Variants in CD34 observed in about 807,000 individuals in gnomAD.
CD34 encodes the protein CD34 molecule.
In CD34, 34 loss-of-function variants were observed where a neutral mutation model predicts 40.1. That is an observed-to-expected ratio of 0.85 (90% CI 0.65 to 1.13). CD34 has a LOEUF of 1.13. Among genes scored for constraint, CD34 ranks in the 50% most tolerant of loss-of-function variants. The probability of loss-of-function intolerance (pLI) is 0.00; values close to 1 mark genes in which losing one functional copy is unlikely to be tolerated. For missense variants in CD34, 426 were observed against 466.9 expected (o/e 0.91, Z 0.81); for synonymous variants, 209 against 190.0 (o/e 1.10, Z -0.82).
At chr1:207,890,235 T>C (rs902714545) in intron 4 of CD34, 2 of 997,198 alleles carry the variant, frequency 2.0e-6, no homozygotes, top group African/African-American at 1.7e-5. Flanking sequence ...TTCAGGTTGC[T>C]GACTGGGCCA....
rs1198984051 is a variant in CD34 at position 207,888,774 on chromosome 1, G to C, written c.880C>G (p.Leu294Val). 2 of 1,614,208 alleles carry C rather than the reference G, an allele frequency of 1.2e-6. No homozygotes were observed. Among genetic ancestry groups the C allele is most frequent in the East Asian group, 2.2e-5 (1 of 44,888 alleles). Reference protein sequence around the residue: ...QSYSQKTLIALVTSGALLAVL... With the variant: ...QSYSQKTLIAVVTSGALLAVL... The stretch of plus-strand genomic sequence containing the variant: ...GCCAGCAGGGCTCCCGAGGTGACCA[G>C]TGCAATCAGGGTCTTTTGGGAATAG... The change falls in exon 7 of 8, where the codon CTG (leucine) becomes GTG (valine). Residue 294 changes from leucine to valine, a missense_variant. Transcript: ENST00000310833.
At chr1:207,897,750 C>A (rs548702543) in intron 3 of CD34, among the ~76,000 whole-genome samples, 177 bp from the exon 4 acceptor site, 1 of 152,194 alleles carries the variant, frequency 6.6e-6, no homozygotes, top group Non-Finnish European at 1.5e-5. Flanking sequence ...GTCATACTCT[C>A]GTCTATTTCA....
At chr1:207,891,593 G>A (rs1662038184) in intron 4 of CD34, among the ~76,000 whole-genome samples, 1 of 151,836 alleles carries the variant, frequency 6.6e-6, no homozygotes, top group Non-Finnish European at 1.5e-5. Context: ...TGAGGTGGGA[G>A]GGTCTCTCCA....
chr1:207,908,846 G>A (rs558168060), intron 1 of CD34, among the ~76,000 whole-genome samples: 4 of 152,216 alleles, frequency 2.6e-5, no homozygotes, highest in Admixed American at 2.0e-4. Flanking sequence ...CAAAGGGACA[G>A]AAAAAAAGAA....
intron 3 of CD34, among the ~76,000 whole-genome samples, chr1:207,898,031 TTTTA>T (rs60024563): frequency 0.075 from 10,720 of 143,358 alleles, 483 homozygotes; most frequent in East Asian, 0.11. Flanking sequence ...ATTTTGGCTC[TTTTA>T]TTTATTTATT....
At chr1:207,888,991 A>G (rs1321209129) in intron 6 of CD34, 145 bp from the exon 7 acceptor site, 1 of 943,126 alleles carries the variant, frequency 1.1e-6, no homozygotes, top group African/African-American at 1.6e-5. Flanking sequence ...TTTGAGACTG[A>G]CGTCTCTTAA....
intron 4 of CD34, among the ~76,000 whole-genome samples, chr1:207,894,025 T>C (rs750554988): frequency 5.9e-5 from 9 of 152,176 alleles, no homozygotes; most frequent in Non-Finnish European, 8.8e-5. Flanking sequence ...AGAATTCCCA[T>C]GTGGTCCAGC....
chr1:207,901,627 A>T (rs2102303677), intron 1 of CD34, among the ~76,000 whole-genome samples: 1 of 152,378 alleles, frequency 6.6e-6, no homozygotes, highest in Middle Eastern at 3.4e-3. Context: ...CAAGAATCTG[A>T]GCATCCCAAA....
intron 1 of CD34, 136 bp downstream of exon 1, chr1:207,910,866 G>C: frequency 2.3e-6 from 2 of 864,582 alleles, no homozygotes; most frequent in Non-Finnish European, 3.6e-6. Flanking sequence ...GGGGGAAGCA[G>C]CTGTGGGCGG....
Position 207,881,286 on chromosome 1 carries a change from C to G in CD34, c.*6452G>C, listed in dbSNP as rs1002571412. On this transcript the variant is annotated 3_prime_UTR_variant, in exon 8 of 8. Coordinates refer to ENST00000310833, the MANE Select transcript of CD34 (RefSeq NM_001025109.2). ...TCTATTTTCCTTTTTCACATTCATT[C>G]TTTCACAAGTATACAGTGGAGTGTT... is the stretch of plus-strand genomic sequence containing the variant. 6.6e-6 allele frequency: 1 copy of G among 152,176 alleles called. No individual in the cohort carries two copies. The highest frequency in any genetic ancestry group is 1.5e-5 in the Non-Finnish European group (1 of 68,036). 9.4% of individuals were successfully genotyped at this position (152,176 alleles called of 1,614,324 possible). A position where few individuals can be genotyped will look rare whatever the true frequency, so the allele number is the denominator to read the frequency against.
intron 1 of CD34, among the ~76,000 whole-genome samples, chr1:207,901,200 C>A (rs797003901): frequency 5.9e-5 from 9 of 152,304 alleles, no homozygotes; most frequent in Admixed American, 3.9e-4. Context: ...GAAGGAGAAG[C>A]TTCTTGACTG....
At chr1:207,902,863 G>A (rs947319457) in intron 1 of CD34, among the ~76,000 whole-genome samples, 1 of 152,148 alleles carries the variant, frequency 6.6e-6, no homozygotes. Context: ...GACCCACTGG[G>A]GCCAGGCTCG....
rs1418989296 is a variant in CD34 at position 207,899,972 on chromosome 1, A to C, written c.111T>G (p.Gly37=). Reference sequence around the variant, plus strand: ...GGGTAGGTAACTCTGGGGTAGCAGTACCGTTGTTGTCAAGACTCATGAACC... The same window carrying C: ...GGGTAGGTAACTCTGGGGTAGCAGTCCCGTTGTTGTCAAGACTCATGAACC... ...PSGFMSLDNN[G]TATPELPTQG... The change falls in exon 2 of 8, where the codon GGT becomes GGG. Residue 37 remains glycine, a synonymous_variant. Transcript: ENST00000310833. The C allele has an allele frequency of 6.2e-6, 10 of 1,612,792 alleles. No individual in the cohort carries two copies. Among genetic ancestry groups the C allele is most frequent in the Non-Finnish European group, 7.6e-6 (9 of 1,179,322 alleles).
At position 207,887,875 on chromosome 1, in the gene CD34, A is replaced by G; in HGVS notation, c.1021T>C (p.Ser341Pro). ...GCCTCAGGGGAGGTCCCAGGTCCTGAGCTATAGCCCTGGCCTCCACCGTTT... is the reference window on the plus strand; with the variant it reads ...GCCTCAGGGGAGGTCCCAGGTCCTGGGCTATAGCCCTGGCCTCCACCGTTT... The part of the protein sequence containing the change: ...TENGGGQGYS[S>P]GPGTSPEAQG... Residue 341 changes from serine (S) to proline (P), a missense_variant, in exon 8 of 8, where the codon TCA becomes CCA. Transcript: ENST00000310833. The G allele has an allele frequency of 6.2e-7, 1 of 1,613,992 alleles. No homozygotes were observed. Among genetic ancestry groups the G allele is most frequent in the Non-Finnish European group, 8.5e-7 (1 of 1,179,992 alleles).
rs1019516841 is a variant in CD34 at position 207,885,294 on chromosome 1, G to A, written c.*2444C>T. 2 of 152,226 alleles carry A rather than the reference G, an allele frequency of 1.3e-5. No homozygotes were observed. Among genetic ancestry groups the A allele is most frequent in the Non-Finnish European group, 2.9e-5 (2 of 68,132 alleles). The allele number at this position is 152,226 out of a possible 1,614,324, so 9.4% of individuals were successfully genotyped here. A position where few individuals can be genotyped will look rare whatever the true frequency, so the allele number is the denominator to read the frequency against. On this transcript the variant is annotated 3_prime_UTR_variant, in exon 8 of 8. Coordinates refer to ENST00000310833, the MANE Select transcript of CD34 (RefSeq NM_001025109.2). The stretch of plus-strand genomic sequence containing the variant: ...GGACGCTCAGGCCCACGGTGGGAAA[G>A]TTGGATTTTTCCAGAAAGCAGGCAA...
In CD34 at chr1:207,910,939, C is replaced by T. The variant is rs865985635; in HGVS notation, c.79+63G>A. ...AGACTCTGCTCTGCTGTTCAGCCTC[C>T]CAGAAAGCCTCCACCCTCCCCGCGG... On this transcript the variant is annotated intron_variant, in intron 1 of 7. Transcript: ENST00000310833. The T allele has an allele frequency of 6.0e-5, 89 of 1,478,882 alleles. No homozygotes were observed. In the African/African-American group the frequency reaches 1.0e-3, roughly 17 times the overall value. 91.6% of individuals were successfully genotyped at this position (1,478,882 alleles called of 1,614,324 possible).
At chr1:207,890,132 G>C in intron 4 of CD34, 1 of 1,075,366 alleles carries the variant, frequency 9.3e-7, no homozygotes. Context: ...AAAGTGCATT[G>C]CTCAAACTGA....
At chr1:207,892,975 C>A (rs976969041) in intron 4 of CD34, among the ~76,000 whole-genome samples, 1 of 152,140 alleles carries the variant, frequency 6.6e-6, no homozygotes, top group Non-Finnish European at 1.5e-5. Context: ...GGAATCCAAC[C>A]GCATCAGTGA....
Position 207,886,002 on chromosome 1 carries a change from T to C in CD34, c.*1736A>G, listed in dbSNP as rs1661889691. 6.6e-6 allele frequency: 1 copy of C among 151,954 alleles called. No individual in the cohort carries two copies. Among genetic ancestry groups the C allele is most frequent in the South Asian group, 2.1e-4 (1 of 4,798 alleles). The allele number at this position is 151,954 out of a possible 1,614,324, so 9.4% of individuals were successfully genotyped here. A position where few individuals can be genotyped will look rare whatever the true frequency, so the allele number is the denominator to read the frequency against. On this transcript the variant is annotated 3_prime_UTR_variant, in exon 8 of 8. Transcript: ENST00000310833. ...GGGGAGGTACATGCTTACAGATTTT[T>C]TTTTTAATTAGGCTGCTGTCTTAAT...
Sources: gnomAD v4.1 joint callset for allele counts (sites outside exome capture counted in the v4.1 genomes callset) on GRCh38, gnomAD v4.1.1 for gene constraint, MANE v1.5 for transcripts, NCBI Gene and HGNC (gene_info 2026-07-23, HGNC 2026-07-21) for gene names.